Variants in RIC1 observed in about 807,000 individuals in gnomAD.
The protein encoded by RIC1 is guanine nucleotide exchange factor subunit RIC1.
A neutral mutation model predicts 169.0 loss-of-function variants in RIC1; 88 were observed. The observed-to-expected ratio is 0.52, with a 90% CI of 0.44 to 0.62. The LOEUF (loss-of-function observed/expected upper bound fraction) is 0.62, where lower values mean the gene tolerates loss of function less well. RIC1 is among the 20% of genes least tolerant of loss of function. The probability of loss-of-function intolerance (pLI) is 0.00; values close to 1 mark genes in which losing one functional copy is unlikely to be tolerated. For synonymous variants in RIC1, 790 were observed against 601.5 expected, an observed-to-expected ratio of 1.31 and a Z score of -4.59; for missense variants, 1,877 against 1,725.5, an observed-to-expected ratio of 1.09 and a Z score of -1.56.
chr9:5,669,545 TTTGA>T lies in RIC1; in HGVS notation c.252+12859_252+12862del, dbSNP rs370052948. ...TTATCCACTTGTTGATTGATGGGCA[TTTGA>T]TTGTCATCTTGCCCATATGACATCA... is the stretch of plus-strand genomic sequence containing the variant. On this transcript the variant is annotated intron_variant, in intron 2 of 25. Coordinates refer to ENST00000414202, the MANE Select transcript of RIC1 (RefSeq NM_020829.4). Among the ~76,000 whole-genome samples, 62 of 152,350 alleles carry T rather than the reference TTTGA, an allele frequency of 4.1e-4. No homozygotes were observed. The Middle Eastern group carries it at 0.01, about 25-fold the overall frequency.
At chr9:5,759,156 C>G (rs895104573) in intron 17 of RIC1, among the ~76,000 whole-genome samples, 3 of 152,114 alleles carry the variant, frequency 2.0e-5, no homozygotes, top group African/African-American at 7.2e-5. Flanking sequence ...AGGGAATATA[C>G]TGTTTTACAG....
In RIC1 at chr9:5,746,079, G is replaced by A. The variant is rs778134514; in HGVS notation, c.1244G>A (p.Cys415Tyr). 3 of 1,607,100 alleles carry A rather than the reference G, an allele frequency of 1.9e-6. No homozygotes were observed. Among genetic ancestry groups the A allele is most frequent in the South Asian group, 2.2e-5 (2 of 90,158 alleles). The change falls in exon 11 of 26, where the codon TGT becomes TAT. Residue 415 changes from cysteine (C) to tyrosine (Y), a missense_variant. By Grantham distance (194) the Cys-to-Tyr change is radical. Coordinates refer to ENST00000414202, the MANE Select transcript of RIC1 (RefSeq NM_020829.4). Reference protein sequence around the residue: ...FIKSVLTVNPCMSNQEQVLLQ... With the variant: ...FIKSVLTVNPYMSNQEQVLLQ... ...AAGAGTGTACTCACTGTAAACCCTTGTATGGTAAGTATATTTAAAGCTCTG... is the reference window on the plus strand; with the variant it reads ...AAGAGTGTACTCACTGTAAACCCTTATATGGTAAGTATATTTAAAGCTCTG...
chr9:5,656,516 T>G (rs945358470), intron 1 of RIC1, 67 bp from the exon 2 acceptor site: 1 of 691,876 alleles, frequency 1.4e-6, no homozygotes, highest in Non-Finnish European at 2.3e-6. Context: ...TTATCTTAAA[T>G]TTTATTTGTG....
chr9:5,682,369 C>G (rs1820903558), intron 2 of RIC1, among the ~76,000 whole-genome samples: 1 of 152,184 alleles, frequency 6.6e-6, no homozygotes, highest in Non-Finnish European at 1.5e-5. Context: ...GACAAAATCT[C>G]TCAGCATTTG....
chr9:5,757,177 T>C (rs908559217), intron 16 of RIC1, 136 bp from the exon 17 acceptor site: 1 of 983,154 alleles, frequency 1.0e-6, no homozygotes, highest in African/African-American at 1.6e-5. Context: ...TCGAAGGATA[T>C]ATGGGGAGAA....
chr9:5,664,316 G>A (rs1586904610), intron 2 of RIC1, among the ~76,000 whole-genome samples: 1 of 152,136 alleles, frequency 6.6e-6, no homozygotes, highest in Non-Finnish European at 1.5e-5. Context: ...AGGAGGCTGA[G>A]GCAGGAGAAT....
rs200822292 is a variant in RIC1, at chr9:5,770,093, A to G, written c.3431A>G (p.Glu1144Gly). Residue 1144 changes from glutamate (E) to glycine (G), a missense_variant, in exon 23 of 26, where the codon GAG becomes GGG. Physicochemically the swap from Glu to Gly is moderately conservative, Grantham distance 98. Around this residue, in one of 3 missense-constraint regions of RIC1, gnomAD observed 681 missense variants for 582.0 expected, o/e 1.17. Transcript: ENST00000414202. Reference protein sequence around the residue: ...FKNGKYRTVGEQLLKSQSADP... With the variant: ...FKNGKYRTVGGQLLKSQSADP... ...TTTCGGACCCACTCTGCAGTGGGAG[A>G]GCAGCTGTTAAAGTCTCAATCAGCT... is the stretch of plus-strand genomic sequence containing the variant. 2.6e-4 allele frequency: 426 copies of G among 1,610,998 alleles called. No individual in the cohort carries two copies. The Middle Eastern group carries it at 6.3e-3, about 24-fold the overall frequency.
intron 4 of RIC1, among the ~76,000 whole-genome samples, chr9:5,719,808 T>TTAG (rs1217905059): frequency 6.6e-6 from 1 of 152,244 alleles, no homozygotes; most frequent in Non-Finnish European, 1.5e-5. Flanking sequence ...TTGTTACCTC[T>TTAG]ACACTTAATG....
intron 8 of RIC1, 105 bp downstream of exon 8, chr9:5,738,643 G>C (rs962215469): frequency 1.7e-6 from 1 of 602,876 alleles, no homozygotes; most frequent in Non-Finnish European, 2.7e-6. Flanking sequence ...CATGCTATAG[G>C]TCAAATATTG....
intron 2 of RIC1, among the ~76,000 whole-genome samples, chr9:5,672,107 T>G (rs1359093851): frequency 6.6e-6 from 1 of 152,220 alleles, no homozygotes; most frequent in Non-Finnish European, 1.5e-5. Context: ...GAGAGGAGAC[T>G]GCTGAAGCCT....
intron 12 of RIC1, among the ~76,000 whole-genome samples, chr9:5,748,157 A>C (rs1355315095): frequency 6.6e-6 from 1 of 152,220 alleles, no homozygotes; most frequent in Admixed American, 6.5e-5. Context: ...GAAGTTTCTT[A>C]AAAGAAACTT....
chr9:5,743,752 T>TA lies in RIC1; in HGVS notation c.1095+21dup. On this transcript the variant is annotated intron_variant, in intron 10 of 25. Coordinates refer to ENST00000414202, the MANE Select transcript of RIC1 (RefSeq NM_020829.4). Reference sequence around the variant, plus strand: ...TCAACTCTATGGTAAGTACTTTCTATAAAAAATTGGCATGGTATTAAAAAA... The same window carrying TA: ...TCAACTCTATGGTAAGTACTTTCTATAAAAAAATTGGCATGGTATTAAAAAA... The TA allele has an allele frequency of 6.3e-7, 1 of 1,587,036 alleles. No homozygotes were observed.
intron 16 of RIC1, 66 bp downstream of exon 16, chr9:5,756,438 T>C (rs1049027797): frequency 8.2e-5 from 92 of 1,122,668 alleles, no homozygotes; most frequent in Non-Finnish European, 1.1e-4. Flanking sequence ...TTTGTAGTTT[T>C]TGTTTTCTCA....
At chr9:5,721,429 C>A (rs1437286466) in intron 6 of RIC1, among the ~76,000 whole-genome samples, 1 of 152,152 alleles carries the variant, frequency 6.6e-6, no homozygotes, top group Admixed American at 6.5e-5. Flanking sequence ...GATTGATTAC[C>A]AAACCCCAGC....
intron 1 of RIC1, among the ~76,000 whole-genome samples, chr9:5,634,913 TTG>T (rs1817896665): frequency 6.6e-6 from 1 of 152,180 alleles, no homozygotes; most frequent in Non-Finnish European, 1.5e-5. Flanking sequence ...ATCTGTGTAT[TTG>T]TGGGGTATAT....
chr9:5,638,013 G>A (rs1818059553), intron 1 of RIC1, among the ~76,000 whole-genome samples: 2 of 152,142 alleles, frequency 1.3e-5, no homozygotes, highest in Non-Finnish European at 2.9e-5. Context: ...TTATGTTGAG[G>A]TATGTTCCTT....
chr9:5,650,531 G>C (rs565285523), intron 1 of RIC1, among the ~76,000 whole-genome samples: 1 of 152,148 alleles, frequency 6.6e-6, no homozygotes, highest in South Asian at 2.1e-4. Flanking sequence ...TGGTGTCGGT[G>C]TCAGTAGCCT....
intron 6 of RIC1, 114 bp from the exon 7 acceptor site, chr9:5,732,274 G>A: frequency 1.2e-6 from 1 of 814,028 alleles, no homozygotes; most frequent in South Asian, 1.8e-5. Context: ...TTCCTCTGCA[G>A]ATGAAACCAA....
At chr9:5,691,268 A>T (rs1338750167) in intron 3 of RIC1, among the ~76,000 whole-genome samples, 4 of 152,000 alleles carry the variant, frequency 2.6e-5, no homozygotes, top group African/African-American at 9.6e-5. Context: ...AACGCAAGTC[A>T]TCTAAAGACA....
Sources: gnomAD v4.1 joint callset for allele counts (sites outside exome capture counted in the v4.1 genomes callset) on GRCh38, gnomAD v4.1.1 for gene constraint, gnomAD v4.1.1 regional missense constraint, MANE v1.5 for transcripts, NCBI Gene and HGNC (gene_info 2026-07-23, HGNC 2026-07-21) for gene names.